TJP1: variants seen among roughly 807,000 people sequenced by gnomAD.
TJP1 encodes tight junction protein 1.
Under a neutral mutation model 194.2 loss-of-function variants are expected in TJP1, and 43 were observed. That is an observed-to-expected ratio of 0.22 (90% CI 0.17 to 0.29). The LOEUF is 0.29. TJP1 is among the 10% of genes least tolerant of loss of function. The probability of loss-of-function intolerance (pLI) is 1.00; values close to 1 mark genes in which losing one functional copy is unlikely to be tolerated. For missense variants in TJP1, 1,971 were observed against 2,185.7 expected (o/e 0.90, Z 1.96); for synonymous variants, 801 against 779.0 (o/e 1.03, Z -0.47).
chr15:29,719,896 C>T lies in TJP1; in HGVS notation c.2884G>A (p.Ala962Thr). ...TNVRLEEPTPAPSTSYSPQAD... is the reference protein window; with the variant it reads ...TNVRLEEPTPTPSTSYSPQAD... ...TGTGGTGAGTAAGAGGTGGAAGGAG[C>T]TGGGGTGGGCTCCTCCAGTCTGACA... Residue 962 changes from alanine to threonine, a missense_variant, in exon 20 of 28, where the codon GCT (alanine) becomes ACT (threonine). By Grantham distance (58) the Ala-to-Thr change is moderately conservative (BLOSUM62 0). Coordinates refer to ENST00000614355, the MANE Select transcript of TJP1 (RefSeq NM_001330239.4). 1 of 1,614,020 alleles carries T rather than the reference C, an allele frequency of 6.2e-7. No homozygotes were observed.
At chr15:29,946,206 CAAGAG>C (rs748517657) in intron 2 of TJP1, among the ~76,000 whole-genome samples, 346 of 152,250 alleles carry the variant, frequency 2.3e-3, no homozygotes, top group Non-Finnish European at 3.1e-3. Context: ...AATTAATAGA[CAAGAG>C]AAAGCTTTTT....
chr15:29,735,774 G>T (rs774650611), intron 11 of TJP1, among the ~76,000 whole-genome samples: 9 of 152,062 alleles, frequency 5.9e-5, no homozygotes, highest in Non-Finnish European at 1.0e-4. Context: ...AACATCATCA[G>T]AAAGAATGAC....
intron 2 of TJP1, among the ~76,000 whole-genome samples, chr15:29,908,382 G>A (rs2053898102): frequency 6.6e-6 from 1 of 152,146 alleles, no homozygotes; most frequent in South Asian, 2.1e-4. Flanking sequence ...AACAATTAAT[G>A]ATGCCTACAA....
chr15:29,733,553 A>T (rs1338485834), intron 12 of TJP1, among the ~76,000 whole-genome samples: 1 of 152,252 alleles, frequency 6.6e-6, no homozygotes, highest in African/African-American at 2.4e-5. Context: ...GTCAAAAGCC[A>T]CATGCTTGTT....
chr15:29,944,699 T>A (rs2055213544), intron 2 of TJP1, among the ~76,000 whole-genome samples: 1 of 152,236 alleles, frequency 6.6e-6, no homozygotes, highest in African/African-American at 2.4e-5. Flanking sequence ...AAATTTTAAA[T>A]CAATCGGATT....
At chr15:29,814,964 A>G (rs920171483) in intron 1 of TJP1, among the ~76,000 whole-genome samples, 6 of 152,230 alleles carry the variant, frequency 3.9e-5, no homozygotes, top group African/African-American at 1.4e-4. Context: ...TTTACAGTAC[A>G]AAGTTTGGTA....
At position 29,863,170 on chromosome 15, in the gene TJP1, C is replaced by G. The variant is rs916304917; in HGVS notation, c.307-62468G>C. Among the ~76,000 whole-genome samples the G allele has an allele frequency of 2.0e-5, 3 of 152,006 alleles. No individual in the cohort carries two copies. In the East Asian group the frequency reaches 6.0e-4, roughly 30 times the overall value. On this transcript the variant is annotated intron_variant, in intron 2 of 28. Coordinates refer to the TJP1 transcript ENST00000356107. Reference sequence around the variant, plus strand: ...AATTAGCTGGGTGTGGTGGCAGGCACCTGTAATCCCAGCCACTTGGGAGGC... The same window carrying G: ...AATTAGCTGGGTGTGGTGGCAGGCAGCTGTAATCCCAGCCACTTGGGAGGC...
chr15:29,842,992 A>T (rs2051279965), intron 2 of TJP1, among the ~76,000 whole-genome samples: 1 of 152,160 alleles, frequency 6.6e-6, no homozygotes, highest in South Asian at 2.1e-4. Flanking sequence ...TGATTTTTTT[A>T]AAAAGTCATT....
chr15:29,952,751 T>TTC (rs2055797175), intron 2 of TJP1, among the ~76,000 whole-genome samples: 1 of 152,206 alleles, frequency 6.6e-6, no homozygotes, highest in South Asian at 2.1e-4. Context: ...TATTTCAAGG[T>TTC]TCTGTATTTA....
chr15:29,806,278 A>G (rs1056392036), intron 1 of TJP1, among the ~76,000 whole-genome samples: 2 of 152,168 alleles, frequency 1.3e-5, no homozygotes, highest in Non-Finnish European at 2.9e-5. Flanking sequence ...AACCAAAGGA[A>G]TTTGAGAAGA....
chr15:29,910,950 G>A (rs759734071), intron 2 of TJP1, among the ~76,000 whole-genome samples: 13 of 152,188 alleles, frequency 8.5e-5, no homozygotes, highest in African/African-American at 2.4e-4. Flanking sequence ...GTACATCAAC[G>A]GGTGCCCCTC....
At chr15:29,935,422 G>A (rs938390257) in intron 2 of TJP1, among the ~76,000 whole-genome samples, 5 of 152,154 alleles carry the variant, frequency 3.3e-5, no homozygotes, top group African/African-American at 1.2e-4. Context: ...CCCTTGAGGT[G>A]CTGGTAGCTT....
At chr15:29,807,736 A>G (rs1253699744) in intron 1 of TJP1, among the ~76,000 whole-genome samples, 1 of 152,192 alleles carries the variant, frequency 6.6e-6, no homozygotes, top group African/African-American at 2.4e-5. Context: ...TAACCACACT[A>G]AAGAAGAGTT....
At chr15:29,786,034 A>C (rs2047678116) in intron 2 of TJP1, among the ~76,000 whole-genome samples, 1 of 152,202 alleles carries the variant, frequency 6.6e-6, no homozygotes, top group Non-Finnish European at 1.5e-5. Flanking sequence ...GGCCTTTTCA[A>C]AATTAGTTAG....
chr15:29,797,400 T>C (rs2048483733), intron 2 of TJP1, among the ~76,000 whole-genome samples: 1 of 152,186 alleles, frequency 6.6e-6, no homozygotes, highest in Non-Finnish European at 1.5e-5. Flanking sequence ...TTTGTCTGCC[T>C]TGGCCTACCA....
intron 24 of TJP1, 62 bp from the exon 25 acceptor site, chr15:29,709,098 A>G: frequency 6.7e-7 from 1 of 1,482,054 alleles, no homozygotes; most frequent in Non-Finnish European, 9.2e-7. Context: ...GCCCTGTCCC[A>G]GCTTAACTTG....
At chr15:29,902,379 A>C (rs1246354099) in intron 2 of TJP1, among the ~76,000 whole-genome samples, 1 of 152,202 alleles carries the variant, frequency 6.6e-6, no homozygotes, top group Non-Finnish European at 1.5e-5. Flanking sequence ...ATCATTAGCA[A>C]ACTAAAGGTA....
At chr15:29,712,588 T>C (rs566977320) in intron 23 of TJP1, among the ~76,000 whole-genome samples, 5 of 152,244 alleles carry the variant, frequency 3.3e-5, no homozygotes, top group African/African-American at 7.2e-5. Flanking sequence ...GCCAAGGAAA[T>C]TGAAGATAAA....
downstream of TJP1, chr15:29,700,057 C>T (rs953643760): frequency 5.3e-6 from 2 of 376,598 alleles, no homozygotes; most frequent in Admixed American, 4.6e-5. Flanking sequence ...TGGTAGGTGA[C>T]GCTGGGTGAT....
Sources: allele counts gnomAD v4.1 joint callset (sites outside exome capture counted in the v4.1 genomes callset), GRCh38; gene constraint gnomAD v4.1.1; transcripts MANE v1.5; gene names NCBI Gene and HGNC (gene_info 2026-07-23, HGNC 2026-07-21).